Variants in LSAMP observed in about 807,000 individuals in gnomAD.
LSAMP encodes the protein limbic system associated membrane protein.
LSAMP carries 7 observed loss-of-function variants against 38.6 expected under a neutral mutation model. The ratio of observed to expected loss-of-function variants is 0.18; its 90% CI spans 0.10 to 0.34. LSAMP has a LOEUF of 0.34. Among genes scored for constraint, LSAMP ranks in the 10% least tolerant of loss-of-function variants. LSAMP has a pLI of 1.00. For missense variants in LSAMP, 313 were observed against 420.0 expected (o/e 0.75, Z 2.23); for synonymous variants, 154 against 166.8 (o/e 0.92, Z 0.59).
chr3:115,842,699 C>T, intron 4 of LSAMP, 121 bp from the exon 5 acceptor site: 3 of 1,277,932 alleles, frequency 2.3e-6, no homozygotes, highest in Non-Finnish European at 3.2e-6. Context: ...CATCTTAAAG[C>T]TCCATTTGTA....
chr3:116,221,612 TTGTG>T (rs1235649007), intron 1 of LSAMP, among the ~76,000 whole-genome samples: 1 of 151,152 alleles, frequency 6.6e-6, no homozygotes, highest in Non-Finnish European at 1.5e-5. Flanking sequence ...GTCTCTCTGT[TTGTG>T]TGAGAAAGGC....
At chr3:116,313,349 C>T (rs2047583644) in intron 1 of LSAMP, among the ~76,000 whole-genome samples, 1 of 152,170 alleles carries the variant, frequency 6.6e-6, no homozygotes, top group Admixed American at 6.5e-5. Context: ...CTCACATTAG[C>T]AATACAGAGT....
At position 116,422,380 on chromosome 3, in the gene LSAMP, T is replaced by C. The variant is rs542526442; in HGVS notation, c.155+22497A>G. ...TAGTATAACAATTATTTACATAACATTTACTTTGTATCAGGTATTATAAAT... is the reference window on the plus strand; with the variant it reads ...TAGTATAACAATTATTTACATAACACTTACTTTGTATCAGGTATTATAAAT... On this transcript the variant is annotated intron_variant, in intron 1 of 6. Transcript: ENST00000490035. 2.6e-5 allele frequency among the ~76,000 whole-genome samples: 4 copies of C among 152,342 alleles called. No individual in the cohort carries two copies. The South Asian group carries it at 6.2e-4, about 24-fold the overall frequency.
intron 3 of LSAMP, among the ~76,000 whole-genome samples, chr3:115,933,469 G>A (rs1937614047): frequency 1.3e-5 from 2 of 152,156 alleles, no homozygotes; most frequent in East Asian, 3.9e-4. Flanking sequence ...GATGAGTAGA[G>A]GAAAAATTAT....
chr3:116,346,175 T>C (rs2048060339), intron 1 of LSAMP, among the ~76,000 whole-genome samples: 4 of 152,302 alleles, frequency 2.6e-5, no homozygotes, highest in Middle Eastern at 3.4e-3. Flanking sequence ...CAAATAACCA[T>C]ATCTCCATTT....
intron 3 of LSAMP, among the ~76,000 whole-genome samples, chr3:116,016,495 G>C (rs891908374): frequency 6.6e-6 from 1 of 152,158 alleles, no homozygotes; most frequent in Non-Finnish European, 1.5e-5. Flanking sequence ...AGCTTGGTGG[G>C]GGATATCCCC....
chr3:116,055,574 A>G (rs1211920874), intron 2 of LSAMP, among the ~76,000 whole-genome samples: 3 of 151,146 alleles, frequency 2.0e-5, no homozygotes, highest in Non-Finnish European at 4.4e-5. Context: ...GAAAATGACT[A>G]CATTTGACAA....
intron 1 of LSAMP, among the ~76,000 whole-genome samples, chr3:116,146,237 T>C (rs1236963155): frequency 1.3e-5 from 2 of 152,066 alleles, no homozygotes; most frequent in African/African-American, 4.8e-5. Flanking sequence ...AAGTACCCTA[T>C]AAAACATGTA....
At chr3:116,267,105 A>AAAAGT (rs2046902019) in intron 1 of LSAMP, among the ~76,000 whole-genome samples, 1 of 152,192 alleles carries the variant, frequency 6.6e-6, no homozygotes, top group African/African-American at 2.4e-5. Flanking sequence ...ACAGAGCAGG[A>AAAAGT]AAAGTAGACT....
At chr3:115,825,340 C>A (rs542652870) in intron 6 of LSAMP, among the ~76,000 whole-genome samples, 1 of 152,296 alleles carries the variant, frequency 6.6e-6, no homozygotes, top group South Asian at 2.1e-4. Flanking sequence ...CAGAATGCTT[C>A]AATAACAAGT....
chr3:116,218,495 C>T (rs1223967446), intron 1 of LSAMP, among the ~76,000 whole-genome samples: 1 of 152,142 alleles, frequency 6.6e-6, no homozygotes, highest in Non-Finnish European at 1.5e-5. Flanking sequence ...AACCTGTCAA[C>T]AGTTTTAATA....
intron 3 of LSAMP, among the ~76,000 whole-genome samples, chr3:115,862,404 A>G (rs1289167781): frequency 6.6e-6 from 1 of 152,228 alleles, no homozygotes; most frequent in African/African-American, 2.4e-5. Flanking sequence ...AAAACAAAGC[A>G]GACAATAACC....
chr3:115,845,064 T>C (rs1935111272), intron 4 of LSAMP, among the ~76,000 whole-genome samples: 1 of 152,128 alleles, frequency 6.6e-6, no homozygotes, highest in African/African-American at 2.4e-5. Context: ...AGACTAGAAA[T>C]GGATTTCATA....
At chr3:115,978,122 C>T (rs561910872) in intron 3 of LSAMP, among the ~76,000 whole-genome samples, 1 of 152,198 alleles carries the variant, frequency 6.6e-6, no homozygotes, top group East Asian at 1.9e-4. Flanking sequence ...GATCCTTTCA[C>T]CTCAGCCTGT....
intron 2 of LSAMP, among the ~76,000 whole-genome samples, chr3:116,047,320 A>T (rs531023100): frequency 6.6e-6 from 1 of 151,890 alleles, no homozygotes; most frequent in South Asian, 2.1e-4. Flanking sequence ...AGTGGTACAG[A>T]CTTAATCTTT....
At chr3:116,333,812 AAAC>A (rs1173974567) in intron 1 of LSAMP, among the ~76,000 whole-genome samples, 2 of 151,892 alleles carry the variant, frequency 1.3e-5, no homozygotes, top group Non-Finnish European at 2.9e-5. Flanking sequence ...AAAAATTAAA[AAAC>A]AAACTCATTT....
intron 1 of LSAMP, among the ~76,000 whole-genome samples, chr3:116,372,940 G>A (rs1459951237): frequency 2.0e-5 from 3 of 150,606 alleles, no homozygotes; most frequent in Non-Finnish European, 4.4e-5. Context: ...ACCGGTGGTA[G>A]GAATGTAAAA....
chr3:116,055,460 T>A (rs542733333), intron 2 of LSAMP, among the ~76,000 whole-genome samples: 3 of 152,118 alleles, frequency 2.0e-5, no homozygotes, highest in South Asian at 2.1e-4. Flanking sequence ...ATTTGAGGAG[T>A]CTATTTAGAA....
intron 3 of LSAMP, among the ~76,000 whole-genome samples, chr3:115,922,829 T>C (rs1236819101): frequency 1.3e-5 from 2 of 152,116 alleles, no homozygotes; most frequent in Non-Finnish European, 2.9e-5. Flanking sequence ...CTGGTTTCTT[T>C]TGCAGGAGTT....
Sources: allele counts gnomAD v4.1 joint callset (sites outside exome capture counted in the v4.1 genomes callset), GRCh38; gene constraint gnomAD v4.1.1; transcripts MANE v1.5; gene names NCBI Gene and HGNC (gene_info 2026-07-23, HGNC 2026-07-21).